Variants in SOHLH2 observed in about 807,000 individuals in gnomAD.
SOHLH2 encodes spermatogenesis- and oogenesis-specific basic helix-loop-helix-containing protein 2.
Under a neutral mutation model 50.4 loss-of-function variants are expected in SOHLH2, and 22 were observed. That is an observed-to-expected ratio of 0.44 (90% confidence interval 0.31 to 0.62). The LOEUF is 0.62. Among genes scored for constraint, SOHLH2 ranks in the 20% least tolerant of loss-of-function variants. The pLI is 0.08. For synonymous variants in SOHLH2, 185 were observed against 187.3 expected (o/e 0.99, Z 0.10); for missense variants, 412 against 504.4 (o/e 0.82, Z 1.76).
chr13:36,201,996 G>T lies in SOHLH2; in HGVS notation c.146C>A (p.Thr49Asn), dbSNP rs1868447375. ...TGCTGCCTCCTTCGTGTCACTGATG[G>T]TGATGGTGACTTCTGCTATGTTTGC... ...LFANIAEVTI[T>N]ISDTKEAAAL... The change falls in exon 2 of 11, where the codon ACC becomes AAC. Residue 49 changes from threonine (T) to asparagine (N), a missense_variant. Thr to Asn is a moderately conservative substitution (Grantham distance 65). Coordinates refer to ENST00000379881, the MANE Select transcript of SOHLH2 (RefSeq NM_017826.3). 6.2e-7 allele frequency: 1 copy of T among 1,614,086 alleles called. No homozygotes were observed. Among genetic ancestry groups the T allele is most frequent in the Admixed American group, 1.7e-5 (1 of 60,006 alleles).
chr13:36,202,525 T>G (rs995656159), intron 1 of SOHLH2, among the ~76,000 whole-genome samples: 1 of 152,236 alleles, frequency 6.6e-6, no homozygotes, highest in African/African-American at 2.4e-5. Context: ...CAGAGAAAGA[T>G]TTAAATTCCT....
At chr13:36,213,070 T>C (rs1869217006) in intron 1 of SOHLH2, among the ~76,000 whole-genome samples, 1 of 152,160 alleles carries the variant, frequency 6.6e-6, no homozygotes, top group Non-Finnish European at 1.5e-5. Context: ...GAGGCTCTCA[T>C]GGGGCAATTG....
intron 6 of SOHLH2, among the ~76,000 whole-genome samples, chr13:36,175,824 G>T (rs1395819915): frequency 1.3e-5 from 2 of 152,032 alleles, no homozygotes; most frequent in East Asian, 1.9e-4. Context: ...GGGGTGTCTC[G>T]GGAACTATTC....
intron 4 of SOHLH2, 142 bp from the exon 5 acceptor site, chr13:36,192,036 A>G: frequency 2.1e-6 from 2 of 940,248 alleles, no homozygotes; most frequent in Non-Finnish European, 3.1e-6. Context: ...AACTGAAAGC[A>G]ATTTATAGAT....
intron 1 of SOHLH2, among the ~76,000 whole-genome samples, chr13:36,213,155 C>T (rs1223294897): frequency 6.6e-6 from 1 of 152,110 alleles, no homozygotes; most frequent in African/African-American, 2.4e-5. Flanking sequence ...CGGCTTTTCT[C>T]ACAAAGGCAC....
At chr13:36,196,290 ATT>A (rs1202167008) in intron 2 of SOHLH2, among the ~76,000 whole-genome samples, 1 of 151,740 alleles carries the variant, frequency 6.6e-6, no homozygotes, top group East Asian at 1.9e-4. Context: ...ACACTTGGCT[ATT>A]TTTTTGTATT....
chr13:36,191,714 T>C, intron 5 of SOHLH2, 81 bp downstream of exon 5: 1 of 1,545,688 alleles, frequency 6.5e-7, no homozygotes, highest in Non-Finnish European at 8.9e-7. Flanking sequence ...CAGCAAATGC[T>C]GCACCCCTCT....
intron 5 of SOHLH2, 95 bp from the exon 6 acceptor site, chr13:36,190,151 C>T: frequency 9.1e-7 from 1 of 1,093,148 alleles, no homozygotes; most frequent in Middle Eastern, 2.3e-4. Context: ...AAGGATGCTT[C>T]TCTAAGTCTC....
chr13:36,210,563 T>A (rs1055354958), intron 1 of SOHLH2, among the ~76,000 whole-genome samples: 2 of 152,170 alleles, frequency 1.3e-5, no homozygotes, highest in Non-Finnish European at 2.9e-5. Context: ...TGCCTTCTTA[T>A]TTTTCCATGA....
chr13:36,178,822 T>G (rs937213024), intron 6 of SOHLH2, among the ~76,000 whole-genome samples: 20 of 124,906 alleles, frequency 1.6e-4, no homozygotes, highest in Middle Eastern at 8.0e-3. Context: ...GATCATTTGT[T>G]TTTTTTTTTT....
intron 6 of SOHLH2, among the ~76,000 whole-genome samples, chr13:36,187,761 C>G (rs1056438875): frequency 6.6e-6 from 1 of 152,214 alleles, no homozygotes; most frequent in Non-Finnish European, 1.5e-5. Context: ...CATTCTTCCA[C>G]CCGGTTCTGG....
At chr13:36,203,815 T>C (rs1319752488) in intron 1 of SOHLH2, among the ~76,000 whole-genome samples, 1 of 152,194 alleles carries the variant, frequency 6.6e-6, no homozygotes, top group East Asian at 1.9e-4. Flanking sequence ...TTATCATGCA[T>C]GCCCATTTAC....
chr13:36,193,779 C>T (rs1887644196), intron 3 of SOHLH2, 27 bp downstream of exon 3: 1 of 1,600,760 alleles, frequency 6.2e-7, no homozygotes, highest in Non-Finnish European at 8.5e-7. Context: ...AGAGAAAAAA[C>T]AAATACTATA....
chr13:36,211,156 A>G (rs1005548894), intron 1 of SOHLH2, among the ~76,000 whole-genome samples: 1 of 152,242 alleles, frequency 6.6e-6, no homozygotes, highest in Non-Finnish European at 1.5e-5. Context: ...CCTATCTAAT[A>G]CGATCAGGGT....
At chr13:36,186,155 A>T (rs958613834) in intron 6 of SOHLH2, among the ~76,000 whole-genome samples, 1 of 152,220 alleles carries the variant, frequency 6.6e-6, no homozygotes, top group Non-Finnish European at 1.5e-5. Context: ...TAAAAAAATC[A>T]GTCATAATCA....
intron 6 of SOHLH2, chr13:36,182,998 G>A (rs562998660): frequency 2.1e-4 from 35 of 166,982 alleles, no homozygotes; most frequent in South Asian, 6.1e-4. Context: ...TTAGCTTAGC[G>A]CCATCCCCTT....
intron 6 of SOHLH2, among the ~76,000 whole-genome samples, chr13:36,183,525 G>C (rs1440187054): frequency 6.6e-6 from 1 of 152,040 alleles, no homozygotes; most frequent in Non-Finnish European, 1.5e-5. Context: ...AGGAAGGCAG[G>C]TAATGAGAAT....
At chr13:36,183,575 T>C (rs1435416254) in intron 6 of SOHLH2, among the ~76,000 whole-genome samples, 2 of 151,904 alleles carry the variant, frequency 1.3e-5, no homozygotes, top group African/African-American at 2.4e-5. Context: ...TGAACACAAA[T>C]AGAAAAATTG....
chr13:36,184,024 A>G (rs1199695026), intron 6 of SOHLH2, among the ~76,000 whole-genome samples: 1 of 152,208 alleles, frequency 6.6e-6, no homozygotes, highest in Non-Finnish European at 1.5e-5. Flanking sequence ...ATTAATATTT[A>G]TAGAATACTA....
Sources: allele counts gnomAD v4.1 joint callset (sites outside exome capture counted in the v4.1 genomes callset), GRCh38; gene constraint gnomAD v4.1.1; transcripts MANE v1.5; gene names NCBI Gene and HGNC (gene_info 2026-07-23, HGNC 2026-07-21).